Variants in ABCB7 observed in about 807,000 individuals in gnomAD.
ABCB7 encodes iron-sulfur clusters transporter ABCB7, mitochondrial.
Under a neutral mutation model 54.4 loss-of-function variants are expected in ABCB7, and 7 were observed. The ratio of observed to expected loss-of-function variants is 0.13; its 90% confidence interval spans 0.07 to 0.24. The LOEUF (loss-of-function observed/expected upper bound fraction) is 0.24. ABCB7 is among the 10% of genes least tolerant of loss of function. The pLI is 1.00. For synonymous variants in ABCB7, 218 were observed against 207.1 expected, an observed-to-expected ratio of 1.05 and a Z score of -0.45; for missense variants, 356 against 570.4, an observed-to-expected ratio of 0.62 and a Z score of 3.83.
At chrX:75,125,057 G>A (rs1024679217) in intron 1 of ABCB7, among the ~76,000 whole-genome samples, 2 of 111,383 alleles carry the variant, frequency 1.8e-5, no homozygotes, top group African/African-American at 3.3e-5. Context: ...GCTCCTTTAC[G>A]TTTGTTACTT....
In ABCB7 at chrX:75,099,064, A is replaced by G. The variant is rs763500163; in HGVS notation, c.334-3T>C. The G allele has an allele frequency of 1.7e-6, 2 of 1,205,323 alleles. No individual in the cohort carries two copies. Among genetic ancestry groups the G allele is most frequent in the Non-Finnish European group, 2.2e-6 (2 of 891,394 alleles). On this transcript the variant is annotated splice_region_variant and splice_polypyrimidine_tract_variant and intron_variant, in intron 3 of 15. Coordinates refer to ENST00000373394, the MANE Select transcript of ABCB7 (RefSeq NM_001271696.3). The stretch of plus-strand genomic sequence containing the variant: ...TTCCGAGTATCAACATCTTTTAACT[A>G]TTGAAAGAGAGAAAACAAAGCAGTG...
chrX:75,077,140 T>C (rs5981319), intron 4 of ABCB7, among the ~76,000 whole-genome samples: 3,226 of 111,818 alleles, frequency 0.029, 117 homozygotes, highest in African/African-American at 0.1. Context: ...AATTTGGTCA[T>C]CAAAATAATG....
intron 4 of ABCB7, among the ~76,000 whole-genome samples, chrX:75,081,597 A>G (rs1275732311): frequency 8.9e-6 from 1 of 112,307 alleles, no homozygotes; most frequent in African/African-American, 3.2e-5. Context: ...TCTCTTAGGA[A>G]CAGGAAGTTT....
chrX:75,076,306 T>C (rs1480157366), intron 5 of ABCB7, among the ~76,000 whole-genome samples: 1 of 112,649 alleles, frequency 8.9e-6, no homozygotes, highest in Non-Finnish European at 1.9e-5. Context: ...ATTATTGTTT[T>C]CTAGAACTTG....
Position 75,156,200 on chromosome X carries a change from C to T in ABCB7, c.73G>A (p.Ala25Thr). 8.3e-7 allele frequency: 1 copy of T among 1,205,258 alleles called. No homozygotes were observed. The highest frequency in any genetic ancestry group is 1.1e-6 in the Non-Finnish European group (1 of 892,275). Residue 25 changes from alanine (A) to threonine (T), a missense_variant, in exon 1 of 16, where the codon GCG becomes ACG. Around this residue, in one of 2 missense-constraint regions of ABCB7, gnomAD observed 115 missense variants for 99.5 expected, o/e 1.16. Transcript: ENST00000373394. ...AAAFEKRRHSAILIRPLVSVS... is the reference protein window; with the variant it reads ...AAAFEKRRHSTILIRPLVSVS... Reference sequence around the variant, plus strand: ...GAGACTAAAGGCCGGATCAGAATCGCGGAGTGCCGGCGCTTTTCGAAAGCA... The same window carrying T: ...GAGACTAAAGGCCGGATCAGAATCGTGGAGTGCCGGCGCTTTTCGAAAGCA...
chrX:75,116,914 A>G (rs2081825864), intron 1 of ABCB7, among the ~76,000 whole-genome samples: 1 of 110,095 alleles, frequency 9.1e-6, no homozygotes, highest in Non-Finnish European at 1.9e-5. Context: ...TCACTAGTAC[A>G]CTCCCACCAG....
chrX:75,088,549 C>T (rs902074156), intron 4 of ABCB7, among the ~76,000 whole-genome samples: 16 of 111,253 alleles, frequency 1.4e-4, no homozygotes, highest in African/African-American at 5.2e-4. Flanking sequence ...GTAGACAGGA[C>T]ACAAAATAGA....
Position 75,072,926 on chromosome X carries a change from A to AT in ABCB7, c.1032+762dup, listed in dbSNP as rs59106503. Among the ~76,000 whole-genome samples, 310 of 102,806 alleles carry AT rather than the reference A, an allele frequency of 3.0e-3. 1 individual carries two copies. Among genetic ancestry groups the AT allele is most frequent in the African/African-American group, 7.1e-3 (204 of 28,613 alleles). The allele number at this position is 102,806 out of a possible 115,157, so 89.3% of individuals were successfully genotyped here. On this transcript the variant is annotated intron_variant, in intron 8 of 15. Transcript: ENST00000373394. The stretch of plus-strand genomic sequence containing the variant: ...TATTCTATAGGCTATTTTCTATTTA[A>AT]TTTTTTTTTTTTTTACTTTTTAAAC...
chrX:75,087,733 T>C (rs1162887703), intron 4 of ABCB7, among the ~76,000 whole-genome samples: 1 of 112,306 alleles, frequency 8.9e-6, no homozygotes, highest in Admixed American at 9.4e-5. Context: ...CCTAGTCTGA[T>C]AGTTTGAAAG....
chrX:75,104,047 G>GTTTTTTTGTTTTT (rs2081663659), intron 3 of ABCB7, among the ~76,000 whole-genome samples: 3 of 13,446 alleles, frequency 2.2e-4, no homozygotes, highest in African/African-American at 4.8e-4. Context: ...TCTTGTTACA[G>GTTTTTTTGTTTTT]TTTTTTTTTT....
chrX:75,060,553 G>A (rs2081274912), intron 14 of ABCB7, among the ~76,000 whole-genome samples: 1 of 110,907 alleles, frequency 9.0e-6, no homozygotes. Context: ...ACATTATCGT[G>A]GAAAAAAATT....
At chrX:75,128,707 C>G (rs1042645636) in intron 1 of ABCB7, among the ~76,000 whole-genome samples, 22 of 111,813 alleles carry the variant, frequency 2.0e-4, no homozygotes, top group African/African-American at 7.2e-4. Flanking sequence ...TGACAAAGGG[C>G]TAATATCCAG....
intron 1 of ABCB7, among the ~76,000 whole-genome samples, chrX:75,120,661 G>A (rs1044121944): frequency 4.5e-5 from 5 of 110,714 alleles, no homozygotes; most frequent in African/African-American, 1.6e-4. Context: ...GGACACAATT[G>A]GAGAAACTGG....
In ABCB7 at chrX:75,125,109, C is replaced by T. The variant is rs765993113; in HGVS notation, c.169-10278G>A. Among the ~76,000 whole-genome samples, 7 of 111,420 alleles carry T rather than the reference C, an allele frequency of 6.3e-5. No homozygotes were observed. In the East Asian group the frequency reaches 2.0e-3, roughly 31 times the overall value. ...ATTGCCACTGGTGATTAAATTACCT[C>T]GAAAATTATTTGAAACTCATATAAG... On this transcript the variant is annotated intron_variant, in intron 1 of 15. Coordinates refer to ENST00000373394, the MANE Select transcript of ABCB7 (RefSeq NM_001271696.3).
chrX:75,079,430 C>A (rs1234586019), intron 4 of ABCB7, among the ~76,000 whole-genome samples: 1 of 111,641 alleles, frequency 9.0e-6, no homozygotes, highest in Non-Finnish European at 1.9e-5. Context: ...TAGTGGTTTT[C>A]CCCAATATCC....
At chrX:75,135,727 A>G (rs1464251347) in intron 1 of ABCB7, among the ~76,000 whole-genome samples, 1 of 111,614 alleles carries the variant, frequency 9.0e-6, no homozygotes, top group Non-Finnish European at 1.9e-5. Context: ...AAAAAGAAAA[A>G]CCACATGATC....
At chrX:75,102,183 G>C (rs767521423) in intron 3 of ABCB7, among the ~76,000 whole-genome samples, 1 of 110,283 alleles carries the variant, frequency 9.1e-6, no homozygotes, top group Non-Finnish European at 1.9e-5. Flanking sequence ...CATTTCTATG[G>C]GTTGGGAACA....
rs925971522 is a variant in ABCB7, at chrX:75,074,033, A to G, written c.856-77T>C. On this transcript the variant is annotated intron_variant, in intron 6 of 15. Coordinates refer to ENST00000373394, the MANE Select transcript of ABCB7 (RefSeq NM_001271696.3). The stretch of plus-strand genomic sequence containing the variant: ...AACAGTTTGTAATACACAACAGCAA[A>G]TCTCGGTCAAAAGATTTTAACAAAA... 5.9e-6 allele frequency: 5 copies of G among 842,908 alleles called. No homozygotes were observed. In the African/African-American group the frequency reaches 6.0e-5, roughly 10 times the overall value. The allele number at this position is 842,908 out of a possible 1,213,427, so 69.5% of individuals were successfully genotyped here.
At chrX:75,155,671 G>A (rs1040051529) in intron 1 of ABCB7, among the ~76,000 whole-genome samples, 2 of 111,649 alleles carry the variant, frequency 1.8e-5, no homozygotes, top group Admixed American at 9.5e-5. Context: ...TAGATAGCTT[G>A]CTGTCATTAC....
Sources: allele counts gnomAD v4.1 joint callset (sites outside exome capture counted in the v4.1 genomes callset), GRCh38; gene constraint gnomAD v4.1.1; regional missense constraint gnomAD v4.1.1; transcripts MANE v1.5; gene names NCBI Gene and HGNC (gene_info 2026-07-23, HGNC 2026-07-21).